Variants in SPHKAP observed in about 807,000 individuals in gnomAD.
SPHKAP encodes the protein A-kinase anchor protein SPHKAP.
A neutral mutation model predicts 137.5 loss-of-function variants in SPHKAP; 67 were observed. The ratio of observed to expected loss-of-function variants is 0.49; its 90% CI spans 0.40 to 0.60. The LOEUF is 0.60. Ranked by LOEUF, SPHKAP falls within the 20% of genes least tolerant of loss-of-function variation. SPHKAP has a pLI of 0.00. For synonymous variants in SPHKAP, 813 were observed against 785.3 expected (o/e 1.04, Z -0.59); for missense variants, 2,097 against 2,069.3 (o/e 1.01, Z -0.26).
chr2:228,143,955 C>G (rs1053978041), intron 1 of SPHKAP, among the ~76,000 whole-genome samples: 1 of 152,126 alleles, frequency 6.6e-6, no homozygotes, highest in Non-Finnish European at 1.5e-5. Context: ...CTGCCTCTAT[C>G]GAATCACTCT....
intron 1 of SPHKAP, among the ~76,000 whole-genome samples, chr2:228,133,668 A>G (rs1699338185): frequency 6.6e-6 from 1 of 152,194 alleles, no homozygotes; most frequent in Non-Finnish European, 1.5e-5. Context: ...TTTCTCTTAA[A>G]ACAAGTGCTA....
chr2:227,990,861 G>T, intron 11 of SPHKAP, 139 bp downstream of exon 11: 1 of 847,050 alleles, frequency 1.2e-6, no homozygotes, highest in Non-Finnish European at 1.8e-6. Flanking sequence ...AGATTTCAAT[G>T]TTCTAGCCGC....
intron 2 of SPHKAP, among the ~76,000 whole-genome samples, chr2:228,110,575 A>G (rs929527936): frequency 1.6e-4 from 25 of 152,300 alleles, no homozygotes; most frequent in South Asian, 8.3e-4. Flanking sequence ...GGGTCCCTGA[A>G]ATCTTTCAGA....
At chr2:228,028,015 C>G in intron 3 of SPHKAP, 2 of 984,292 alleles carry the variant, frequency 2.0e-6, no homozygotes, top group Non-Finnish European at 2.4e-6. Flanking sequence ...CACTTTTGAG[C>G]CTCCAAATAG....
At chr2:228,075,580 G>T (rs150001076) in intron 3 of SPHKAP, among the ~76,000 whole-genome samples, 2 of 152,118 alleles carry the variant, frequency 1.3e-5, no homozygotes, top group East Asian at 3.9e-4. Flanking sequence ...AATACTGTTA[G>T]TAATTACAGT....
chr2:228,103,312 A>C (rs34151038), intron 3 of SPHKAP, among the ~76,000 whole-genome samples: 1 of 152,094 alleles, frequency 6.6e-6, no homozygotes, highest in African/African-American at 2.4e-5. Flanking sequence ...AACTGCTGCA[A>C]AGGGAAAGCC....
chr2:228,151,846 CT>C (rs1361716951), intron 1 of SPHKAP, among the ~76,000 whole-genome samples: 1 of 151,780 alleles, frequency 6.6e-6, no homozygotes, highest in African/African-American at 2.4e-5. Flanking sequence ...TATATTTAGC[CT>C]TTTTTTAAAA....
At chr2:228,014,398 AACG>A (rs1694489097) in intron 7 of SPHKAP, among the ~76,000 whole-genome samples, 1 of 152,190 alleles carries the variant, frequency 6.6e-6, no homozygotes, top group Non-Finnish European at 1.5e-5. Flanking sequence ...TAATTCTCCA[AACG>A]ACCTAGATAA....
intron 3 of SPHKAP, among the ~76,000 whole-genome samples, chr2:228,087,028 G>A (rs557079237): frequency 1.5e-4 from 23 of 152,120 alleles, no homozygotes; most frequent in Non-Finnish European, 3.4e-4. Flanking sequence ...AACAATGATA[G>A]CACAATCACC....
chr2:228,024,820 A>G (rs886973942), intron 5 of SPHKAP, among the ~76,000 whole-genome samples: 1 of 152,198 alleles, frequency 6.6e-6, no homozygotes, highest in Non-Finnish European at 1.5e-5. Context: ...AGTGATTTAT[A>G]TAATAGGAAT....
intron 2 of SPHKAP, among the ~76,000 whole-genome samples, chr2:228,113,387 T>G (rs1023186547): frequency 6.6e-6 from 1 of 152,124 alleles, no homozygotes; most frequent in Non-Finnish European, 1.5e-5. Context: ...AAACAGTGCC[T>G]GGTGCATCCT....
At chr2:228,056,328 G>C (rs1696443088) in intron 3 of SPHKAP, among the ~76,000 whole-genome samples, 1 of 152,160 alleles carries the variant, frequency 6.6e-6, no homozygotes, top group Admixed American at 6.5e-5. Flanking sequence ...AGAATGGCCA[G>C]GTCACAGAGG....
At position 228,020,016 on chromosome 2, in the gene SPHKAP, A is replaced by G. The variant is rs542960038; in HGVS notation, c.838T>C (p.Leu280=). The G allele has an allele frequency of 9.3e-6, 15 of 1,614,166 alleles. No individual in the cohort carries two copies. The highest frequency in any genetic ancestry group is 5.3e-5 in the African/African-American group (4 of 75,034). ...DKYINKYPTP[L]IKTERSPENL... ...TCTGGAGATCGTTCTGTTTTAATCA[A>G]TGGTGTGGGATATTTGTTGATGTAT... Residue 280 remains leucine, a synonymous_variant, in exon 7 of 12, where the codon TTG becomes CTG. Transcript: ENST00000392056.
chr2:228,154,860 T>G (rs1700062846), intron 1 of SPHKAP, among the ~76,000 whole-genome samples: 1 of 151,166 alleles, frequency 6.6e-6, no homozygotes, highest in South Asian at 2.1e-4. Context: ...TGCCCAGCCA[T>G]AAATAAACTA....
At chr2:227,990,002 G>A (rs912546887) in intron 11 of SPHKAP, among the ~76,000 whole-genome samples, 4 of 152,130 alleles carry the variant, frequency 2.6e-5, no homozygotes, top group Non-Finnish European at 4.4e-5. Context: ...GGACATAAAG[G>A]AGCCATGTGA....
intron 1 of SPHKAP, among the ~76,000 whole-genome samples, chr2:228,172,736 G>A (rs1408293445): frequency 6.6e-6 from 1 of 152,160 alleles, no homozygotes; most frequent in Non-Finnish European, 1.5e-5. Context: ...CTGGCTTGGG[G>A]CTCTGCTCCA....
At chr2:228,146,488 G>C (rs920483601) in intron 1 of SPHKAP, among the ~76,000 whole-genome samples, 1 of 152,026 alleles carries the variant, frequency 6.6e-6, no homozygotes, top group African/African-American at 2.4e-5. Context: ...CTCGTGTCAC[G>C]GTAGTTTGTG....
chr2:228,000,199 G>A (rs1158040867), intron 7 of SPHKAP, among the ~76,000 whole-genome samples: 1 of 152,210 alleles, frequency 6.6e-6, no homozygotes, highest in Non-Finnish European at 1.5e-5. Flanking sequence ...GCAACGTTTG[G>A]CCAGGAGCGG....
chr2:228,000,476 G>A (rs1363006326), intron 7 of SPHKAP, among the ~76,000 whole-genome samples: 1 of 151,996 alleles, frequency 6.6e-6, no homozygotes, highest in Non-Finnish European at 1.5e-5. Context: ...AAATTAGCCG[G>A]GCATGGTGGT....
Sources: gnomAD v4.1 joint callset for allele counts (sites outside exome capture counted in the v4.1 genomes callset) on GRCh38, gnomAD v4.1.1 for gene constraint, MANE v1.5 for transcripts, NCBI Gene and HGNC (gene_info 2026-07-23, HGNC 2026-07-21) for gene names.